The following PRR16 variants were observed in gnomAD, a reference collection of about 807,000 sequenced individuals.
PRR16 encodes protein Largen.
Under a neutral mutation model 18.2 loss-of-function variants are expected in PRR16, and 6 were observed. The observed-to-expected ratio is 0.33, with a 90% CI of 0.18 to 0.65. PRR16 has a LOEUF of 0.65. Among genes scored for constraint, PRR16 ranks in the 30% least tolerant of loss-of-function variants. The pLI, the probability that PRR16 is intolerant of heterozygous loss-of-function variation, is 0.74. For synonymous variants in PRR16, 151 were observed against 147.8 expected (o/e 1.02, Z -0.16); for missense variants, 412 against 376.6 (o/e 1.09, Z -0.78).
At chr5:120,700,466 A>C in the PRR16 span, among the ~76,000 whole-genome samples, 212 of 152,134 alleles carry the variant, frequency 1.4e-3, 1 homozygote, top group African/African-American at 4.8e-3. Context: ...GAGGATGCAA[A>C]GGAGGCTTTA....
chr5:120,784,392 A>G, the PRR16 span, among the ~76,000 whole-genome samples: 58,038 of 152,038 alleles, frequency 0.38, 11,256 homozygotes, highest in African/African-American at 0.4. Flanking sequence ...TTTCATAAAA[A>G]CCATTTTTAA....
intron 1 of PRR16, among the ~76,000 whole-genome samples, chr5:120,651,079 T>G (rs1211933940): frequency 2.0e-5 from 3 of 152,178 alleles, no homozygotes; most frequent in Non-Finnish European, 2.9e-5. Flanking sequence ...TGATGGCCAG[T>G]GATGATGAGC....
intron 1 of PRR16, among the ~76,000 whole-genome samples, chr5:120,490,308 T>C (rs1185766775): frequency 2.6e-5 from 4 of 152,204 alleles, no homozygotes; most frequent in Non-Finnish European, 4.4e-5. Flanking sequence ...GTAGATTTGG[T>C]CGTTTCAGAT....
the PRR16 span, among the ~76,000 whole-genome samples, chr5:120,703,244 G>A: frequency 6.6e-6 from 1 of 152,148 alleles, no homozygotes; most frequent in Non-Finnish European, 1.5e-5. Context: ...CATCACTTAA[G>A]GCAAGGACTA....
chr5:120,508,556 AAAG>A (rs1228698130), intron 1 of PRR16, among the ~76,000 whole-genome samples: 1 of 152,114 alleles, frequency 6.6e-6, no homozygotes, highest in East Asian at 1.9e-4. Context: ...AAATTAGAAA[AAAG>A]AAAGGCTTTA....
the PRR16 span, among the ~76,000 whole-genome samples, chr5:120,782,187 A>G: frequency 1.3e-5 from 2 of 152,170 alleles, no homozygotes; most frequent in Non-Finnish European, 2.9e-5. Flanking sequence ...TTGGAGTGGG[A>G]CAGATTAAAC....
chr5:120,542,352 A>G (rs906562368), intron 1 of PRR16, among the ~76,000 whole-genome samples: 3 of 152,124 alleles, frequency 2.0e-5, no homozygotes, highest in Admixed American at 2.0e-4. Context: ...TTTTGGAATG[A>G]TTTTAGATTT....
chr5:120,721,854 T>C, the PRR16 span, among the ~76,000 whole-genome samples: 1 of 152,040 alleles, frequency 6.6e-6, no homozygotes, highest in African/African-American at 2.4e-5. Flanking sequence ...TTGGAAGTTA[T>C]AAAATCTATA....
the PRR16 span, among the ~76,000 whole-genome samples, chr5:120,754,193 AT>A: frequency 7.7e-5 from 8 of 103,954 alleles, no homozygotes; most frequent in Non-Finnish European, 1.1e-4. Flanking sequence ...ATAATATATA[AT>A]TATATATTAT....
intron 1 of PRR16, among the ~76,000 whole-genome samples, chr5:120,632,700 G>A (rs2197873): frequency 0.85 from 129,678 of 152,126 alleles, 58,257 homozygotes; most frequent in East Asian, 1. Flanking sequence ...ATTTTAAAAA[G>A]ATGAACAAAG....
chr5:120,695,391 T>C, the PRR16 span, among the ~76,000 whole-genome samples: 2 of 152,218 alleles, frequency 1.3e-5, no homozygotes, highest in Admixed American at 1.3e-4. Flanking sequence ...ATTTCAGCTA[T>C]AGTTAGCTTT....
intron 1 of PRR16, among the ~76,000 whole-genome samples, chr5:120,650,681 T>C (rs1755752122): frequency 6.6e-6 from 1 of 152,140 alleles, no homozygotes; most frequent in African/African-American, 2.4e-5. Flanking sequence ...GGCTGCATAG[T>C]ATTCCATGGT....
chr5:120,782,395 G>C, the PRR16 span, among the ~76,000 whole-genome samples: 1 of 152,138 alleles, frequency 6.6e-6, no homozygotes, highest in Admixed American at 6.5e-5. Context: ...TCACCATCTT[G>C]ATGATTTTAA....
intron 1 of PRR16, among the ~76,000 whole-genome samples, chr5:120,567,354 G>T (rs1036005684): frequency 6.6e-6 from 1 of 152,056 alleles, no homozygotes; most frequent in African/African-American, 2.4e-5. Flanking sequence ...CGTTGGCTTG[G>T]CTCTTAAGTT....
At chr5:120,622,766 C>A (rs1035563451) in intron 1 of PRR16, among the ~76,000 whole-genome samples, 3 of 151,990 alleles carry the variant, frequency 2.0e-5, no homozygotes, top group African/African-American at 7.2e-5. Context: ...CGTGAGCCAC[C>A]ACGCCCAGCC....
At chr5:120,466,169 G>C (rs1287196933) in intron 1 of PRR16, among the ~76,000 whole-genome samples, 1 of 152,146 alleles carries the variant, frequency 6.6e-6, no homozygotes, top group South Asian at 2.1e-4. Flanking sequence ...TAGGATTATT[G>C]CTTCACAACT....
chr5:120,565,867 C>T (rs988393356), intron 1 of PRR16, among the ~76,000 whole-genome samples: 11 of 152,130 alleles, frequency 7.2e-5, no homozygotes, highest in African/African-American at 2.7e-4. Flanking sequence ...TGCATTCTTT[C>T]TGTCACAGTA....
At chr5:120,716,101 T>C in the PRR16 span, among the ~76,000 whole-genome samples, 1 of 152,166 alleles carries the variant, frequency 6.6e-6, no homozygotes. Context: ...TCTCCAGAAA[T>C]TCTCCAACAT....
At chr5:120,511,300 C>G (rs1372258235) in intron 1 of PRR16, among the ~76,000 whole-genome samples, 1 of 152,070 alleles carries the variant, frequency 6.6e-6, no homozygotes, top group African/African-American at 2.4e-5. Context: ...CCAAAAAACC[C>G]ATATTTTTGG....
Sources: allele counts gnomAD v4.1 joint callset (sites outside exome capture counted in the v4.1 genomes callset), GRCh38; gene constraint gnomAD v4.1.1; transcripts MANE v1.5; gene names NCBI Gene and HGNC (gene_info 2026-07-23, HGNC 2026-07-21).